CYP39A1: variants seen among roughly 807,000 people sequenced by gnomAD.
The protein encoded by CYP39A1 is cytochrome P450 family 39 subfamily A member 1.
In CYP39A1, 49 loss-of-function variants were observed where a neutral mutation model predicts 58.1. That is an observed-to-expected ratio of 0.84 (90% CI 0.67 to 1.07). The LOEUF (loss-of-function observed/expected upper bound fraction) is 1.07. Among genes scored for constraint, CYP39A1 ranks in the 50% least tolerant of loss-of-function variants. CYP39A1 has a pLI of 0.00. For synonymous variants in CYP39A1, 209 were observed against 187.6 expected (o/e 1.11, Z -0.93); for missense variants, 531 against 539.4 (o/e 0.98, Z 0.16).
intron 11 of CYP39A1, among the ~76,000 whole-genome samples, chr6:46,553,185 C>T (rs806505): frequency 0.19 from 28,366 of 151,096 alleles, 5,247 homozygotes; most frequent in African/African-American, 0.47. Context: ...TCTGTTCTAA[C>T]AAGCCCTACT....
chr6:46,627,268 TA>T (rs1281154688), intron 6 of CYP39A1, among the ~76,000 whole-genome samples: 1 of 152,136 alleles, frequency 6.6e-6, no homozygotes, highest in Non-Finnish European at 1.5e-5. Flanking sequence ...AGCCAAGCCA[TA>T]TTACTTAGAT....
chr6:46,619,357 G>T (rs1421900953), intron 7 of CYP39A1, among the ~76,000 whole-genome samples: 4 of 152,132 alleles, frequency 2.6e-5, no homozygotes. Context: ...GTTCTAGGCA[G>T]CTAGGTACTA....
chr6:46,553,612 A>G (rs956987139), intron 11 of CYP39A1, among the ~76,000 whole-genome samples, 155 bp downstream of exon 11: 3 of 152,210 alleles, frequency 2.0e-5, no homozygotes, highest in African/African-American at 4.8e-5. Flanking sequence ...GAGACCGAGT[A>G]TCTTCTCAGT....
intron 10 of CYP39A1, among the ~76,000 whole-genome samples, chr6:46,573,328 C>CTATG (rs910268195): frequency 6.6e-6 from 1 of 152,056 alleles, no homozygotes; most frequent in Non-Finnish European, 1.5e-5. Context: ...TGGGTGAGTG[C>CTATG]TATGCTAAGT....
chr6:46,568,772 C>T (rs1771426921), intron 10 of CYP39A1, among the ~76,000 whole-genome samples: 1 of 152,032 alleles, frequency 6.6e-6, no homozygotes, highest in Non-Finnish European at 1.5e-5. Context: ...GTCAACAGCA[C>T]ACTGTTTTAA....
intron 11 of CYP39A1, among the ~76,000 whole-genome samples, chr6:46,553,222 G>A (rs911678764): frequency 2.0e-5 from 3 of 151,964 alleles, no homozygotes; most frequent in African/African-American, 7.3e-5. Flanking sequence ...ACACCAATTC[G>A]AGAGCCACTG....
chr6:46,581,014 T>C (rs1365660525), intron 10 of CYP39A1, among the ~76,000 whole-genome samples: 4 of 152,264 alleles, frequency 2.6e-5, no homozygotes, highest in Middle Eastern at 3.4e-3. Flanking sequence ...TAAATGATTA[T>C]ACCAAAAATA....
chr6:46,640,774 A>AC (rs897852087), intron 2 of CYP39A1, among the ~76,000 whole-genome samples: 1 of 99,544 alleles, frequency 1.0e-5, no homozygotes, highest in Non-Finnish European at 2.0e-5. Flanking sequence ...CCTGCCGCCC[A>AC]CCCCCCTCCC....
chr6:46,628,379 CTACTGAAAG>C lies in CYP39A1; in HGVS notation c.840+2575_840+2583del, dbSNP rs371175274. Among the ~76,000 whole-genome samples the C allele has an allele frequency of 4.4e-3, 668 of 152,136 alleles. 4 individuals are homozygous for C. Among genetic ancestry groups the C allele is most frequent in the African/African-American group, 0.015 (629 of 41,496 alleles). On this transcript the variant is annotated intron_variant, in intron 6 of 11. Transcript: ENST00000275016. ...TGAGAGTGGGATGGGGTAGCAATTG[CTACTGAAAG>C]TATTTAGAAAGAATGTAAGAGATGC... is the stretch of plus-strand genomic sequence containing the variant.
At chr6:46,638,777 A>G (rs1200969579) in intron 3 of CYP39A1, among the ~76,000 whole-genome samples, 1 of 152,178 alleles carries the variant, frequency 6.6e-6, no homozygotes, top group Non-Finnish European at 1.5e-5. Flanking sequence ...GAACTGCTCA[A>G]TCTTGCCTTG....
intron 10 of CYP39A1, among the ~76,000 whole-genome samples, chr6:46,561,016 T>A (rs1244954766): frequency 6.6e-6 from 1 of 152,176 alleles, no homozygotes; most frequent in Non-Finnish European, 1.5e-5. Context: ...CCCACTTACA[T>A]AAAGTAACCA....
intron 1 of CYP39A1, among the ~76,000 whole-genome samples, chr6:46,649,729 G>T (rs1334194942): frequency 6.6e-6 from 1 of 152,208 alleles, no homozygotes; most frequent in Admixed American, 6.5e-5. Flanking sequence ...GGTTGGGAGT[G>T]AGGAGTGAGA....
At chr6:46,624,832 T>A (rs960163372) in intron 7 of CYP39A1, among the ~76,000 whole-genome samples, 4 of 152,174 alleles carry the variant, frequency 2.6e-5, no homozygotes, top group East Asian at 3.8e-4. Context: ...AAAGAGATGA[T>A]AAATAAACAG....
intron 10 of CYP39A1, among the ~76,000 whole-genome samples, chr6:46,563,982 G>A (rs1771116468): frequency 6.6e-6 from 1 of 152,092 alleles, no homozygotes; most frequent in Non-Finnish European, 1.5e-5. Flanking sequence ...AAACTCATCT[G>A]TATGTAGTGA....
At chr6:46,628,142 C>T (rs1389530155) in intron 6 of CYP39A1, among the ~76,000 whole-genome samples, 5 of 152,204 alleles carry the variant, frequency 3.3e-5, no homozygotes, top group African/African-American at 1.2e-4. Flanking sequence ...ACTGATTTAT[C>T]TATTCAAAAA....
chr6:46,566,828 AGAT>A (rs1328973324), intron 10 of CYP39A1, among the ~76,000 whole-genome samples: 23 of 145,832 alleles, frequency 1.6e-4, no homozygotes, highest in Non-Finnish European at 2.9e-4. Flanking sequence ...GCACAAAATG[AGAT>A]GATTATATAT....
chr6:46,560,130 G>A (rs192363610), intron 10 of CYP39A1, among the ~76,000 whole-genome samples: 142 of 152,276 alleles, frequency 9.3e-4, no homozygotes, highest in Admixed American at 4.9e-3. Context: ...CATAAAAGGT[G>A]CAAAAATCCA....
chr6:46,650,647 G>T (rs1346483345), intron 1 of CYP39A1, among the ~76,000 whole-genome samples: 1 of 151,078 alleles, frequency 6.6e-6, no homozygotes, highest in African/African-American at 2.4e-5. Flanking sequence ...GGGACTACAG[G>T]CATGTGCCAC....
intron 4 of CYP39A1, 80 bp from the exon 5 acceptor site, chr6:46,636,562 C>A: frequency 1.2e-6 from 1 of 846,174 alleles, no homozygotes; most frequent in African/African-American, 1.8e-5. Context: ...AAAGGGATGT[C>A]TGTGGAATTA....
Sources: allele counts gnomAD v4.1 joint callset (sites outside exome capture counted in the v4.1 genomes callset), GRCh38; gene constraint gnomAD v4.1.1; transcripts MANE v1.5; gene names NCBI Gene and HGNC (gene_info 2026-07-23, HGNC 2026-07-21).